FBXL7: variants seen among roughly 807,000 people sequenced by gnomAD.
FBXL7 encodes F-box and leucine rich repeat protein 7.
FBXL7 carries 12 observed loss-of-function variants against 38.3 expected under a neutral mutation model. The observed-to-expected ratio is 0.31, with a 90% CI of 0.20 to 0.51. The LOEUF (loss-of-function observed/expected upper bound fraction) is 0.51, where lower values mean the gene tolerates loss of function less well. Ranked by LOEUF, FBXL7 falls within the 20% of genes least tolerant of loss-of-function variation. The pLI is 0.98. For synonymous variants in FBXL7, 297 were observed against 300.9 expected (o/e 0.99, Z 0.13); for missense variants, 567 against 676.4 (o/e 0.84, Z 1.79).
chr5:15,659,377 A>T (rs1461616203), intron 2 of FBXL7, among the ~76,000 whole-genome samples: 2 of 152,238 alleles, frequency 1.3e-5, no homozygotes, highest in South Asian at 2.1e-4. Context: ...GAAACTAAAA[A>T]TATCATTAGT....
intron 1 of FBXL7, among the ~76,000 whole-genome samples, chr5:15,597,627 GA>G (rs1739663136): frequency 6.6e-6 from 1 of 151,938 alleles, no homozygotes; most frequent in African/African-American, 2.4e-5. Context: ...AGCAGAGAAA[GA>G]TTTTAATGTG....
At position 15,938,695 on chromosome 5, in the gene FBXL7, C is replaced by T. The variant is rs1419396370; in HGVS notation, c.*1509C>T. 3.9e-6 allele frequency: 1 copy of T among 255,068 alleles called. No individual in the cohort carries two copies. Among genetic ancestry groups the T allele is most frequent in the African/African-American group, 2.2e-5 (1 of 45,178 alleles). 15.8% of individuals were successfully genotyped at this position (255,068 alleles called of 1,614,324 possible). On this transcript the variant is annotated 3_prime_UTR_variant, in exon 4 of 4. Transcript: ENST00000504595. Reference sequence around the variant, plus strand: ...TAGACTCTGGTCCACCAACCAGACCCTTGGAAAGGAATACTAAAATCATTA... The same window carrying T: ...TAGACTCTGGTCCACCAACCAGACCTTTGGAAAGGAATACTAAAATCATTA...
At chr5:15,604,026 C>A (rs941059970) in intron 1 of FBXL7, among the ~76,000 whole-genome samples, 5 of 152,130 alleles carry the variant, frequency 3.3e-5, no homozygotes, top group African/African-American at 1.2e-4. Flanking sequence ...ATCCCAGCTT[C>A]TCAGGAGGAT....
chr5:15,810,604 C>G (rs1052961217), intron 2 of FBXL7, among the ~76,000 whole-genome samples: 1 of 151,782 alleles, frequency 6.6e-6, no homozygotes, highest in African/African-American at 2.4e-5. Flanking sequence ...AGATTTGAAC[C>G]TATTAATATG....
At position 15,526,153 on chromosome 5, in the gene FBXL7, A is replaced by T. The variant is rs1737245865; in HGVS notation, c.37+25440A>T. On this transcript the variant is annotated intron_variant, in intron 1 of 3. Coordinates refer to ENST00000504595, the MANE Select transcript of FBXL7 (RefSeq NM_012304.5). ...GTTTTGAGTTAATGTGTGAGGTCAG[A>T]GGGACTTTGGCTTGGCAGACAGGAT... Among the ~76,000 whole-genome samples, 3 of 152,164 alleles carry T rather than the reference A, an allele frequency of 2.0e-5. 1 individual carries two copies. The highest frequency in any genetic ancestry group is 3.9e-4 in the East Asian group (2 of 5,162).
rs1219159747 is a variant in FBXL7 at position 15,914,365 on chromosome 5, G to A, written c.128-13525G>A. Among the ~76,000 whole-genome samples the A allele has an allele frequency of 1.0e-4, 14 of 139,452 alleles. No homozygotes were observed. The East Asian group carries it at 1.5e-3, about 15-fold the overall frequency. The allele number at this position is 139,452 out of a possible 152,430, so 91.5% of individuals were successfully genotyped here. A position where few individuals can be genotyped will look rare whatever the true frequency, so the allele number is the denominator to read the frequency against. On this transcript the variant is annotated intron_variant, in intron 2 of 3. Transcript: ENST00000504595. The stretch of plus-strand genomic sequence containing the variant: ...CGCGCCACTGCACTCCAGCCTGGGC[G>A]ACAGAGCAAGACTCCCTCTCAAAAA...
chr5:15,788,195 A>C (rs548031046), intron 2 of FBXL7, among the ~76,000 whole-genome samples: 101 of 152,258 alleles, frequency 6.6e-4, no homozygotes, highest in African/African-American at 2.4e-3. Context: ...CCTCATCTCA[A>C]GCTAACTAAT....
rs151290092 is a variant in FBXL7 at position 15,836,243 on chromosome 5, G to T, written c.128-91647G>T. On this transcript the variant is annotated intron_variant, in intron 2 of 3. Coordinates refer to ENST00000504595, the MANE Select transcript of FBXL7 (RefSeq NM_012304.5). ...GTACACTTACTATGTGCCAGAAATT[G>T]TTTTGAAAGCTTTGGGATATGTCAG... 3.7e-3 allele frequency among the ~76,000 whole-genome samples: 570 copies of T among 152,232 alleles called. 4 individuals carry two copies. The highest frequency in any genetic ancestry group is 0.013 in the African/African-American group (550 of 41,548).
intron 2 of FBXL7, among the ~76,000 whole-genome samples, chr5:15,741,796 A>C (rs1445073871): frequency 6.6e-6 from 1 of 151,106 alleles, no homozygotes; most frequent in African/African-American, 2.4e-5. Context: ...GTACAGGAAA[A>C]GAACAACTTT....
chr5:15,584,185 T>C (rs889569375), intron 1 of FBXL7, among the ~76,000 whole-genome samples: 1 of 152,186 alleles, frequency 6.6e-6, no homozygotes, highest in Admixed American at 6.5e-5. Flanking sequence ...GTTTTCCTCC[T>C]AGTCCTCCAG....
chr5:15,822,931 G>T (rs1310568988), intron 2 of FBXL7, among the ~76,000 whole-genome samples: 1 of 152,116 alleles, frequency 6.6e-6, no homozygotes. Flanking sequence ...CTGAGAATCT[G>T]CATTTCTAGC....
intron 1 of FBXL7, among the ~76,000 whole-genome samples, chr5:15,556,005 CTATCT>C (rs148999750): frequency 0.21 from 30,134 of 141,158 alleles, 3,046 homozygotes; most frequent in African/African-American, 0.24. Context: ...ATCTATCTAT[CTATCT>C]ATCTATCATC....
chr5:15,684,996 C>T (rs912064292), intron 2 of FBXL7, among the ~76,000 whole-genome samples: 7 of 152,142 alleles, frequency 4.6e-5, no homozygotes, highest in Admixed American at 6.5e-5. Context: ...ATATTCCATT[C>T]GTAGGACTAA....
At chr5:15,917,690 GAAGGAAGAAAGA>G (rs1433252742) in intron 2 of FBXL7, among the ~76,000 whole-genome samples, 300 of 147,792 alleles carry the variant, frequency 2.0e-3, no homozygotes, top group African/African-American at 6.7e-3. Context: ...AGGAAGGAAG[GAAGGAAGAAAGA>G]AAGGAAGGAA....
chr5:15,625,608 T>C (rs373344991), intron 2 of FBXL7, among the ~76,000 whole-genome samples: 4 of 152,152 alleles, frequency 2.6e-5, no homozygotes, highest in South Asian at 4.2e-4. Context: ...GAGCCAACAT[T>C]ACACCACTGC....
At chr5:15,637,861 G>T (rs1741235422) in intron 2 of FBXL7, among the ~76,000 whole-genome samples, 1 of 152,186 alleles carries the variant, frequency 6.6e-6, no homozygotes, top group South Asian at 2.1e-4. Flanking sequence ...ATTTTTAAAA[G>T]AATTTCTAGA....
intron 2 of FBXL7, among the ~76,000 whole-genome samples, chr5:15,812,891 A>C (rs1737905651): frequency 6.6e-6 from 1 of 152,120 alleles, no homozygotes; most frequent in Admixed American, 6.6e-5. Context: ...TCTTTGTAGC[A>C]GTTGTGAATG....
chr5:15,831,785 G>A (rs1044446572), intron 2 of FBXL7, among the ~76,000 whole-genome samples: 8 of 152,122 alleles, frequency 5.3e-5, no homozygotes, highest in African/African-American at 1.2e-4. Context: ...GATATGAGAA[G>A]GGGACATGGA....
intron 2 of FBXL7, among the ~76,000 whole-genome samples, chr5:15,921,892 G>T (rs2126447187): frequency 6.6e-6 from 1 of 152,212 alleles, no homozygotes; most frequent in South Asian, 2.1e-4. Context: ...AATCTAGATT[G>T]TTGCAACCAT....
Sources: allele counts gnomAD v4.1 joint callset (sites outside exome capture counted in the v4.1 genomes callset), GRCh38; gene constraint gnomAD v4.1.1; transcripts MANE v1.5; gene names NCBI Gene and HGNC (gene_info 2026-07-23, HGNC 2026-07-21).